The following ZSCAN18 variants were observed in gnomAD, a reference collection of about 807,000 sequenced individuals.
ZSCAN18 encodes zinc finger and SCAN domain-containing protein 18.
In ZSCAN18, 16 loss-of-function variants were observed where a neutral mutation model predicts 31.1. That is an observed-to-expected ratio of 0.51 (90% CI 0.35 to 0.78). The LOEUF (loss-of-function observed/expected upper bound fraction) is 0.78, where lower values mean the gene tolerates loss of function less well. ZSCAN18 is among the 30% of genes least tolerant of loss of function. The pLI, the probability that ZSCAN18 is intolerant of heterozygous loss-of-function variation, is 0.01. For missense variants in ZSCAN18, 731 were observed against 697.4 expected, an observed-to-expected ratio of 1.05 and a Z score of -0.54; for synonymous variants, 375 against 320.7, an observed-to-expected ratio of 1.17 and a Z score of -1.81.
chr19:58,087,533 C>A (rs2074307833), intron 3 of ZSCAN18, 129 bp from the exon 4 acceptor site: 2 of 760,450 alleles, frequency 2.6e-6, no homozygotes, highest in South Asian at 3.5e-5. Context: ...ACCCAAGGCT[C>A]AACGGACACT....
In ZSCAN18 at chr19:58,084,978, C is replaced by A. The variant is rs762807688; in HGVS notation, c.1240G>T (p.Ala414Ser). 1.9e-6 allele frequency: 3 copies of A among 1,599,186 alleles called. No individual in the cohort carries two copies. The highest frequency in any genetic ancestry group is 2.2e-5 in the South Asian group (2 of 89,250). Reference protein sequence around the residue: ...EPGLSRGKPYACGECGEAFAW... With the variant: ...EPGLSRGKPYSCGECGEAFAW... ...AAGGCCTCCCCGCACTCGCCGCAGG[C>A]ATAGGGCTTCCCGCGGGACAAGCCC... The change falls in exon 7 of 7, where the codon GCC (alanine) becomes TCC (serine). Residue 414 changes from alanine to serine, a missense_variant. Coordinates refer to ENST00000601144, the MANE Select transcript of ZSCAN18 (RefSeq NM_001145543.2). This position sits in a 1 kb window ranked among gnomAD's most constrained non-coding sequence, Gnocchi z 4.5.
At chr19:58,085,577 T>G in intron 6 of ZSCAN18, 198 bp from the exon 7 acceptor site, 2 of 545,084 alleles carry the variant, frequency 3.7e-6, no homozygotes, top group Non-Finnish European at 6.3e-6. Context: ...GCTGCAGATG[T>G]GGGACCTGGA....
At chr19:58,108,625 C>G (rs1010598607) in intron 1 of ZSCAN18, 87 of 985,510 alleles carry the variant, frequency 8.8e-5, no homozygotes, top group Non-Finnish European at 9.5e-5. Context: ...CCTCTGGTGA[C>G]TGATGAAATG....
chr19:58,088,786 A>G lies in ZSCAN18; in HGVS notation c.455T>C (p.Val152Ala), dbSNP rs774829306. The change falls in exon 3 of 7, where the codon GTG (valine) becomes GCG (alanine). Residue 152 changes from valine (V) to alanine (A), a missense_variant. Val to Ala is a moderately conservative substitution (Grantham distance 64, BLOSUM62 0). Transcript: ENST00000601144. ...AGSSSILSDG[V>A]YERHMDPLLL... ...CAGAGGGTCCATGTGCCTCTCGTAC[A>G]CTCCATCGCTAAGAATTGAGGATGA... 1.2e-6 allele frequency: 2 copies of G among 1,612,372 alleles called. No individual in the cohort carries two copies. The highest frequency in any genetic ancestry group is 1.7e-4 in the Middle Eastern group (1 of 6,052).
At chr19:58,088,666 G>A in intron 3 of ZSCAN18, 22 bp downstream of exon 3, 2 of 1,602,320 alleles carry the variant, frequency 1.2e-6, no homozygotes, top group Non-Finnish European at 8.5e-7. Context: ...AGCAGAGGCT[G>A]CCAGGCTAGC....
At chr19:58,108,262 G>A (rs536103788) in intron 1 of ZSCAN18, 1 of 985,412 alleles carries the variant, frequency 1.0e-6, no homozygotes, top group African/African-American at 1.7e-5. Context: ...CATACATAGG[G>A]CTCCCCTCAC....
In ZSCAN18 at chr19:58,090,501, G is replaced by C; in HGVS notation, c.-119-115C>G. 1.1e-6 allele frequency: 1 copy of C among 933,232 alleles called. No homozygotes were observed. Among genetic ancestry groups the C allele is most frequent in the South Asian group, 1.9e-5 (1 of 53,198 alleles). The allele number at this position is 933,232 out of a possible 1,614,324, so 57.8% of individuals were successfully genotyped here. A position where few individuals can be genotyped will look rare whatever the true frequency, so the allele number is the denominator to read the frequency against. ...GTTCACACAGATTTCCAAGAAACCCGCTTGTTAGGCATCAGTAGAACCTCA... is the reference window on the plus strand; with the variant it reads ...GTTCACACAGATTTCCAAGAAACCCCCTTGTTAGGCATCAGTAGAACCTCA... On this transcript the variant is annotated intron_variant, in intron 1 of 6. Transcript: ENST00000601144. This position sits in a 1 kb window ranked among gnomAD's most constrained non-coding sequence, Gnocchi z 4.7.
At chr19:58,106,999 G>A (rs550359963) in intron 1 of ZSCAN18, among the ~76,000 whole-genome samples, 48 of 151,720 alleles carry the variant, frequency 3.2e-4, no homozygotes, top group Admixed American at 2.4e-3. Flanking sequence ...TCCTGACCTC[G>A]TGATCTGCCC....
intron 1 of ZSCAN18, among the ~76,000 whole-genome samples, chr19:58,095,307 T>G (rs1442992508): frequency 6.6e-6 from 1 of 152,194 alleles, no homozygotes; most frequent in Non-Finnish European, 1.5e-5. Flanking sequence ...CTCCATAATG[T>G]GTGTGCACAG....
At chr19:58,096,122 C>G (rs899668956) in intron 1 of ZSCAN18, among the ~76,000 whole-genome samples, 1 of 152,166 alleles carries the variant, frequency 6.6e-6, no homozygotes, top group Non-Finnish European at 1.5e-5. Context: ...ATCTCAGAGC[C>G]TGGGGAGTCT....
At chr19:58,114,533 T>C (rs1290425203) in intron 1 of ZSCAN18, among the ~76,000 whole-genome samples, 1 of 101,572 alleles carries the variant, frequency 9.8e-6, no homozygotes, top group East Asian at 2.1e-4. Flanking sequence ...TACGCACAGA[T>C]AAATATACAA....
At chr19:58,113,666 G>C (rs2074706598) in intron 1 of ZSCAN18, among the ~76,000 whole-genome samples, 1 of 152,106 alleles carries the variant, frequency 6.6e-6, no homozygotes, top group Admixed American at 6.6e-5. Flanking sequence ...CACAACCGTG[G>C]TAAGACTTGG....
intron 1 of ZSCAN18, among the ~76,000 whole-genome samples, chr19:58,110,452 C>T (rs1461037803): frequency 6.6e-6 from 1 of 152,158 alleles, no homozygotes; most frequent in Non-Finnish European, 1.5e-5. Context: ...GTCTAGGCCA[C>T]CCAACCCTTA....
chr19:58,117,964 T>C (rs1328395936), intron 1 of ZSCAN18, among the ~76,000 whole-genome samples: 1 of 150,598 alleles, frequency 6.6e-6, no homozygotes, highest in African/African-American at 2.5e-5. Context: ...GAGGAGGGAG[T>C]AGGGGTCCGC....
chr19:58,099,012 A>G (rs1327051298), upstream of ZSCAN18, among the ~76,000 whole-genome samples: 1 of 152,220 alleles, frequency 6.6e-6, no homozygotes, highest in East Asian at 1.9e-4. Flanking sequence ...CCTGGAAGGC[A>G]GGATAGGGCC....
upstream of ZSCAN18, among the ~76,000 whole-genome samples, chr19:58,102,778 C>T (rs1238654883): frequency 6.6e-6 from 1 of 152,144 alleles, no homozygotes; most frequent in Non-Finnish European, 1.5e-5. Flanking sequence ...TCTGATATTA[C>T]TCTTATTTCA....
At chr19:58,094,312 G>A (rs1401588275) in intron 1 of ZSCAN18, among the ~76,000 whole-genome samples, 5 of 151,604 alleles carry the variant, frequency 3.3e-5, no homozygotes, top group Non-Finnish European at 7.4e-5. Context: ...TCAGGAGGCC[G>A]AGGCAGGAGA....
intron 1 of ZSCAN18, chr19:58,108,808 G>C: frequency 1.0e-6 from 1 of 984,844 alleles, no homozygotes; most frequent in Non-Finnish European, 1.2e-6. Flanking sequence ...TGTGTAGAAA[G>C]GCTGAAGGAG....
chr19:58,085,481 G>C, intron 6 of ZSCAN18, 102 bp from the exon 7 acceptor site: 1 of 1,076,516 alleles, frequency 9.3e-7, no homozygotes, highest in Non-Finnish European at 1.3e-6. Context: ...AGGGCTCCGG[G>C]CTCTGGATCC....
Sources: allele counts gnomAD v4.1 joint callset (sites outside exome capture counted in the v4.1 genomes callset), GRCh38; gene constraint gnomAD v4.1.1; non-coding constraint Gnocchi (gnomAD v3.1); transcripts MANE v1.5; gene names NCBI Gene and HGNC (gene_info 2026-07-23, HGNC 2026-07-21).